Variants in PTK2B observed in about 807,000 individuals in gnomAD.
The protein encoded by PTK2B is protein-tyrosine kinase 2-beta.
A neutral mutation model predicts 142.9 loss-of-function variants in PTK2B; 71 were observed. The observed-to-expected ratio is 0.50, with a 90% confidence interval of 0.41 to 0.61. The LOEUF is 0.61. PTK2B is among the 20% of genes least tolerant of loss of function. The pLI is 0.00. For missense variants in PTK2B, 1,105 were observed against 1,320.4 expected (o/e 0.84, Z 2.53); for synonymous variants, 519 against 503.4 (o/e 1.03, Z -0.42).
At chr8:27,372,720 C>T (rs1404421665) in intron 1 of PTK2B, among the ~76,000 whole-genome samples, 1 of 152,094 alleles carries the variant, frequency 6.6e-6, no homozygotes, top group Non-Finnish European at 1.5e-5. Context: ...TAGAGGAGAG[C>T]TGAGGACACC....
At chr8:27,417,558 T>A (rs2322713) in intron 2 of PTK2B, among the ~76,000 whole-genome samples, 123,683 of 152,070 alleles carry the variant, frequency 0.81, 50,833 homozygotes, top group Middle Eastern at 0.95. Flanking sequence ...TTGTATAGCT[T>A]CAATTTATGC....
At chr8:27,356,746 G>T (rs1470517073) in intron 1 of PTK2B, among the ~76,000 whole-genome samples, 1 of 152,210 alleles carries the variant, frequency 6.6e-6, no homozygotes, top group Admixed American at 6.5e-5. Flanking sequence ...ACAAACTATT[G>T]ACACGGGCAA....
Position 27,378,628 on chromosome 8 carries a change from TG to T in PTK2B, c.-37-18919del, listed in dbSNP as rs1806821049. 2.7e-5 allele frequency among the ~76,000 whole-genome samples: 4 copies of T among 146,374 alleles called. 1 individual carries two copies. Among genetic ancestry groups the T allele is most frequent in the Admixed American group, 2.7e-4 (4 of 15,062 alleles). On this transcript the variant is annotated intron_variant, in intron 1 of 30. Coordinates refer to ENST00000346049, the MANE Select transcript of PTK2B (RefSeq NM_173176.3). ...GTGTGTGTGTGTGTGTGTGTGTGTGTGTGTGTGTGTGTGTGTGTGTGTACAC... is the reference window on the plus strand; with the variant it reads ...GTGTGTGTGTGTGTGTGTGTGTGTGTTGTGTGTGTGTGTGTGTGTGTACAC...
At chr8:27,331,588 G>A (rs1269492069) in intron 1 of PTK2B, among the ~76,000 whole-genome samples, 1 of 152,034 alleles carries the variant, frequency 6.6e-6, no homozygotes, top group Non-Finnish European at 1.5e-5. Flanking sequence ...CTGGGTTCAA[G>A]AGATTCTCCT....
intron 1 of PTK2B, among the ~76,000 whole-genome samples, chr8:27,389,538 C>T (rs1807580235): frequency 6.6e-6 from 1 of 152,186 alleles, no homozygotes; most frequent in South Asian, 2.1e-4. Context: ...TGTTGCTCCC[C>T]TCCTGCCCCG....
intron 2 of PTK2B, 48 bp from the exon 3 acceptor site, chr8:27,419,847 C>G: frequency 6.3e-7 from 1 of 1,598,798 alleles, no homozygotes; most frequent in South Asian, 1.1e-5. Context: ...ATTATGGGAG[C>G]CCAAAGGTGG....
intron 1 of PTK2B, among the ~76,000 whole-genome samples, chr8:27,327,788 C>A (rs117601945): frequency 0.022 from 3,303 of 152,338 alleles, 114 homozygotes; most frequent in South Asian, 0.12. Context: ...GTGAGCTTCT[C>A]TGACCCTCAG....
intron 5 of PTK2B, among the ~76,000 whole-genome samples, chr8:27,423,138 T>C (rs1809864623): frequency 6.6e-6 from 1 of 152,174 alleles, no homozygotes; most frequent in African/African-American, 2.4e-5. Context: ...GGCAGTCCAA[T>C]GATATCATTA....
At chr8:27,449,323 G>A (rs910088707) in intron 24 of PTK2B, among the ~76,000 whole-genome samples, 3 of 152,166 alleles carry the variant, frequency 2.0e-5, no homozygotes, top group Non-Finnish European at 4.4e-5. Flanking sequence ...CTAACTCATG[G>A]GGAAACGTGT....
At chr8:27,454,372 T>A in intron 29 of PTK2B, 81 bp downstream of exon 29, 1 of 1,570,462 alleles carries the variant, frequency 6.4e-7, no homozygotes, top group Non-Finnish European at 8.7e-7. Flanking sequence ...TCCTGTTGGC[T>A]GGCCCAGCAG....
chr8:27,360,749 A>G (rs555641179), intron 1 of PTK2B, among the ~76,000 whole-genome samples: 1 of 152,326 alleles, frequency 6.6e-6, no homozygotes, highest in South Asian at 2.1e-4. Flanking sequence ...TTCTGTGCAA[A>G]CATTTCACCT....
intron 23 of PTK2B, 62 bp from the exon 24 acceptor site, chr8:27,445,732 A>G: frequency 6.2e-7 from 1 of 1,602,748 alleles, no homozygotes; most frequent in Non-Finnish European, 8.5e-7. Flanking sequence ...TGTTTGTAGC[A>G]GCTAATTGTC....
At position 27,433,261 on chromosome 8, in the gene PTK2B, A is replaced by G. The variant is rs184515164; in HGVS notation, c.988-174A>G. On this transcript the variant is annotated intron_variant, in intron 10 of 30. Coordinates refer to ENST00000346049, the MANE Select transcript of PTK2B (RefSeq NM_173176.3). ...TTGGAGAGCATGGGCGTACAGGTGAAAGGGGTGACAGAGTGCAGTCTGGAC... is the reference window on the plus strand; with the variant it reads ...TTGGAGAGCATGGGCGTACAGGTGAGAGGGGTGACAGAGTGCAGTCTGGAC... 28 of 621,782 alleles carry G rather than the reference A, an allele frequency of 4.5e-5. No homozygotes were observed. The Admixed American group carries it at 6.2e-4, about 14-fold the overall frequency. 38.5% of individuals were successfully genotyped at this position (621,782 alleles called of 1,614,324 possible).
chr8:27,430,915 C>T lies in PTK2B; in HGVS notation c.709C>T (p.Gln237Ter). 1 of 1,614,236 alleles carries T rather than the reference C, an allele frequency of 6.2e-7. No homozygotes were observed. The highest frequency in any genetic ancestry group is 8.5e-7 in the Non-Finnish European group (1 of 1,180,052). Residue 237 changes from glutamine to a stop codon, truncating the protein, a stop_gained, in exon 8 of 31, where the codon CAG becomes TAG. Transcript: ENST00000346049. LOFTEE classifies it high-confidence loss of function. Reference protein sequence around the residue: ...FRKMIQQTFQQYASLREEECV... With the variant: ...FRKMIQQTFQ ...GAAGATGATCCAGCAGACCTTCCAG[C>T]AGTACGCCTCGCTCAGGGAGGAGGA... is the stretch of plus-strand genomic sequence containing the variant.
At chr8:27,375,592 C>G (rs1400977178) in intron 1 of PTK2B, among the ~76,000 whole-genome samples, 1 of 152,208 alleles carries the variant, frequency 6.6e-6, no homozygotes, top group Non-Finnish European at 1.5e-5. Context: ...AGTGTTAAAT[C>G]CTACAGTGCT....
At chr8:27,327,862 A>G (rs1278225883) in intron 1 of PTK2B, among the ~76,000 whole-genome samples, 1 of 152,232 alleles carries the variant, frequency 6.6e-6, no homozygotes, top group Admixed American at 6.5e-5. Flanking sequence ...AGGATCCCTG[A>G]TAATGTATGT....
chr8:27,402,305 G>A (rs74375953), intron 2 of PTK2B, among the ~76,000 whole-genome samples: 3,018 of 152,272 alleles, frequency 0.02, 102 homozygotes, highest in African/African-American at 0.068. Flanking sequence ...CCTAAGATGA[G>A]AAACACTGGA....
chr8:27,403,148 TC>T (rs1043736077), intron 2 of PTK2B, among the ~76,000 whole-genome samples: 1 of 152,192 alleles, frequency 6.6e-6, no homozygotes, highest in African/African-American at 2.4e-5. Flanking sequence ...GTTTTCTACT[TC>T]CATCTTTGTA....
chr8:27,452,616 T>G (rs1384272615), intron 27 of PTK2B: 4 of 153,566 alleles, frequency 2.6e-5, no homozygotes, highest in African/African-American at 7.3e-5. Flanking sequence ...GTGTCTTTGC[T>G]CTTCAAAGTG....
Sources: allele counts gnomAD v4.1 joint callset (sites outside exome capture counted in the v4.1 genomes callset), GRCh38; gene constraint gnomAD v4.1.1; transcripts MANE v1.5; gene names NCBI Gene and HGNC (gene_info 2026-07-23, HGNC 2026-07-21).